Variants in GRIA2 observed in about 807,000 individuals in gnomAD.
GRIA2 encodes the protein glutamate receptor 2.
In GRIA2, 14 loss-of-function variants were observed where a neutral mutation model predicts 97.3. The observed-to-expected ratio is 0.14, with a 90% confidence interval of 0.10 to 0.23. The LOEUF is 0.23. GRIA2 is among the 10% of genes least tolerant of loss of function. The pLI, the probability that GRIA2 is intolerant of heterozygous loss-of-function variation, is 1.00. For missense variants in GRIA2, 558 were observed against 1,069.8 expected, an observed-to-expected ratio of 0.52 and a Z score of 6.67; for synonymous variants, 412 against 387.8, an observed-to-expected ratio of 1.06 and a Z score of -0.73.
At chr4:157,338,414 A>T (rs953078025) in intron 11 of GRIA2, among the ~76,000 whole-genome samples, 2 of 151,902 alleles carry the variant, frequency 1.3e-5, no homozygotes, top group Non-Finnish European at 2.9e-5. Flanking sequence ...GCATGATGGC[A>T]CTGCAGGTAG....
chr4:157,319,450 C>T (rs1346783250), intron 5 of GRIA2, among the ~76,000 whole-genome samples: 1 of 152,154 alleles, frequency 6.6e-6, no homozygotes, highest in Non-Finnish European at 1.5e-5. Flanking sequence ...TGCTGTCATG[C>T]TTCTTGAGAG....
rs535613707 is a variant in GRIA2 at position 157,341,539 on chromosome 4, T to C, written c.2043+77T>C. 15 of 973,748 alleles carry C rather than the reference T, an allele frequency of 1.5e-5. No individual in the cohort carries two copies. In the South Asian group the frequency reaches 1.9e-4, roughly 12 times the overall value. The allele number at this position is 973,748 out of a possible 1,614,324, so 60.3% of individuals were successfully genotyped here. On this transcript the variant is annotated intron_variant, in intron 12 of 15. Coordinates refer to ENST00000264426, the MANE Select transcript of GRIA2 (RefSeq NM_001083619.3). Reference sequence around the variant, plus strand: ...TTTAAACTTTGTTTCCCTCCCATAGTCAATTCCAAGGTACTATGTGAAAGC... The same window carrying C: ...TTTAAACTTTGTTTCCCTCCCATAGCCAATTCCAAGGTACTATGTGAAAGC...
chr4:157,362,494 T>C (rs533331020), intron 14 of GRIA2: 69 of 506,832 alleles, frequency 1.4e-4, no homozygotes, highest in Middle Eastern at 3.0e-4. Flanking sequence ...GGTAATGGAA[T>C]ATAACTATTT....
intron 12 of GRIA2, 101 bp from the exon 13 acceptor site, chr4:157,359,795 A>G (rs2126998185): frequency 1.0e-6 from 1 of 976,674 alleles, no homozygotes; most frequent in South Asian, 1.6e-5. Flanking sequence ...CATATTGTGT[A>G]TATCATCTAT....
chr4:157,252,462 T>G (rs1314387380), intron 2 of GRIA2, among the ~76,000 whole-genome samples: 1 of 152,122 alleles, frequency 6.6e-6, no homozygotes, highest in East Asian at 1.9e-4. Context: ...ATTCAAGCTT[T>G]TAAGTTAAAA....
chr4:157,316,649 C>A (rs1212784511), intron 4 of GRIA2, among the ~76,000 whole-genome samples: 1 of 152,030 alleles, frequency 6.6e-6, no homozygotes, highest in East Asian at 1.9e-4. Context: ...CTAAAAGGGC[C>A]AATGTGACTT....
intron 2 of GRIA2, among the ~76,000 whole-genome samples, chr4:157,223,290 T>A (rs1218844753): frequency 1.3e-5 from 2 of 152,178 alleles, no homozygotes; most frequent in Admixed American, 1.3e-4. Flanking sequence ...AATTTAGGAT[T>A]TAATTGTTTA....
At chr4:157,362,711 T>G (rs1736687104) in intron 14 of GRIA2, 88 bp from the exon 15 acceptor site, 17 of 1,105,598 alleles carry the variant, frequency 1.5e-5, no homozygotes, top group South Asian at 3.0e-5. Flanking sequence ...GACTAGGTTG[T>G]TCCCGTGATA....
intron 3 of GRIA2, among the ~76,000 whole-genome samples, chr4:157,310,379 C>A (rs1446351684): frequency 6.6e-6 from 1 of 152,040 alleles, no homozygotes; most frequent in Non-Finnish European, 1.5e-5. Flanking sequence ...GTGGTTCAAT[C>A]TTCCATTCTG....
intron 2 of GRIA2, among the ~76,000 whole-genome samples, chr4:157,262,280 C>T (rs537725319): frequency 6.6e-6 from 1 of 151,954 alleles, no homozygotes; most frequent in Non-Finnish European, 1.5e-5. Context: ...GGTGAACACA[C>T]CTAACTTTGC....
At chr4:157,261,205 G>A (rs1177475165) in intron 2 of GRIA2, among the ~76,000 whole-genome samples, 3 of 152,054 alleles carry the variant, frequency 2.0e-5, no homozygotes, top group African/African-American at 4.8e-5. Context: ...AATAGAGCTT[G>A]TGCAGGGGAA....
At chr4:157,257,154 C>T (rs1365851745) in intron 2 of GRIA2, among the ~76,000 whole-genome samples, 1 of 151,960 alleles carries the variant, frequency 6.6e-6, no homozygotes, top group Non-Finnish European at 1.5e-5. Flanking sequence ...CAGGTAAATG[C>T]CAGATAAACA....
chr4:157,242,904 A>G (rs534026026), intron 2 of GRIA2, among the ~76,000 whole-genome samples: 1 of 152,282 alleles, frequency 6.6e-6, no homozygotes, highest in East Asian at 1.9e-4. Flanking sequence ...ATATTTTCTC[A>G]GTAAAGCACA....
intron 2 of GRIA2, among the ~76,000 whole-genome samples, chr4:157,268,194 G>A (rs893101934): frequency 6.6e-6 from 1 of 152,008 alleles, no homozygotes; most frequent in Non-Finnish European, 1.5e-5. Flanking sequence ...TGAATGTTTG[G>A]AAAATGACTT....
chr4:157,335,737 T>C lies in GRIA2; in HGVS notation c.1333T>C (p.Tyr445His). The stretch of plus-strand genomic sequence containing the variant: ...TGAAGGCAATGAGCGCTATGAGGGC[T>C]ACTGTGTTGACCTGGCTGCAGAAAT... The part of the protein sequence containing the change: ...MLEGNERYEG[Y>H]CVDLAAEIAK... The change falls in exon 10 of 16, where the codon TAC (tyrosine) becomes CAC (histidine). Residue 445 changes from tyrosine (Y) to histidine (H), a missense_variant. Coordinates refer to ENST00000264426, the MANE Select transcript of GRIA2 (RefSeq NM_001083619.3). 1 of 1,612,284 alleles carries C rather than the reference T, an allele frequency of 6.2e-7. No homozygotes were observed. The highest frequency in any genetic ancestry group is 8.5e-7 in the Non-Finnish European group (1 of 1,178,610).
chr4:157,243,249 T>TA (rs1368449626), intron 2 of GRIA2, among the ~76,000 whole-genome samples: 1 of 152,038 alleles, frequency 6.6e-6, no homozygotes, highest in East Asian at 1.9e-4. Flanking sequence ...AATAAATCCA[T>TA]AAAAAATGAA....
intron 2 of GRIA2, among the ~76,000 whole-genome samples, chr4:157,285,876 T>G (rs987826458): frequency 6.6e-6 from 1 of 151,472 alleles, no homozygotes; most frequent in Non-Finnish European, 1.5e-5. Flanking sequence ...AATTCATAGG[T>G]GAGCATGTCT....
At chr4:157,260,424 C>T (rs1342068396) in intron 2 of GRIA2, among the ~76,000 whole-genome samples, 2 of 152,072 alleles carry the variant, frequency 1.3e-5, no homozygotes, top group Non-Finnish European at 2.9e-5. Context: ...TATTTAGGAA[C>T]CCAGATTCTG....
rs1424434639 is a variant in GRIA2, at chr4:157,336,386, A to G, written c.1483A>G (p.Ile495Val). 1 of 1,545,084 alleles carries G rather than the reference A, an allele frequency of 6.5e-7. No homozygotes were observed. Among genetic ancestry groups the G allele is most frequent in the Non-Finnish European group, 8.7e-7 (1 of 1,147,896 alleles). Residue 495 changes from isoleucine (I) to valine (V), a missense_variant, in exon 11 of 16, where the codon ATT (isoleucine) becomes GTT (valine). This residue lies in a region of GRIA2 where 41 missense variants were observed against 102.2 expected (regional missense o/e 0.40). Coordinates refer to ENST00000264426, the MANE Select transcript of GRIA2 (RefSeq NM_001083619.3). The part of the protein sequence containing the change: ...VGELVYGKAD[I>V]AIAPLTITLV... ...TTTTTTTCCCTTACAGAAAGCTGAT[A>G]TTGCAATTGCTCCATTAACTATTAC...
Sources: gnomAD v4.1 joint callset for allele counts (sites outside exome capture counted in the v4.1 genomes callset) on GRCh38, gnomAD v4.1.1 for gene constraint, gnomAD v4.1.1 regional missense constraint, MANE v1.5 for transcripts, NCBI Gene and HGNC (gene_info 2026-07-23, HGNC 2026-07-21) for gene names.